USP34: variants seen among roughly 807,000 people sequenced by gnomAD.
USP34 encodes ubiquitin specific peptidase 34.
Under a neutral mutation model 460.3 loss-of-function variants are expected in USP34, and 70 were observed. The observed-to-expected ratio is 0.15, with a 90% confidence interval of 0.13 to 0.19. USP34 has a LOEUF of 0.19. Among genes scored for constraint, USP34 ranks in the 10% least tolerant of loss-of-function variants. The pLI, the probability that USP34 is intolerant of heterozygous loss-of-function variation, is 1.00. For missense variants in USP34, 3,985 were observed against 4,236.2 expected (o/e 0.94, Z 1.65); for synonymous variants, 1,647 against 1,405.3 (o/e 1.17, Z -3.85).
intron 47 of USP34, 23 bp downstream of exon 47, chr2:61,256,850 A>C: frequency 6.5e-7 from 1 of 1,534,820 alleles, no homozygotes; most frequent in Non-Finnish European, 8.7e-7. Context: ...TAAAGTAAAA[A>C]AATTATGTGC....
chr2:61,422,302 T>C (rs1694386687), intron 1 of USP34, among the ~76,000 whole-genome samples: 1 of 152,190 alleles, frequency 6.6e-6, no homozygotes, highest in South Asian at 2.1e-4. Context: ...GAAGAGTGGC[T>C]ACAACCATCA....
chr2:61,350,727 T>C, intron 10 of USP34, 34 bp from the exon 11 acceptor site: 1 of 1,599,270 alleles, frequency 6.3e-7, no homozygotes, highest in Non-Finnish European at 8.5e-7. Flanking sequence ...TGGTCAAAAA[T>C]AATTGCCCAA....
intron 48 of USP34, among the ~76,000 whole-genome samples, chr2:61,253,321 A>C (rs1339922671): frequency 3.3e-5 from 5 of 152,210 alleles, no homozygotes; most frequent in Non-Finnish European, 4.4e-5. Context: ...AGATTCTCCA[A>C]AGAACTTGAC....
chr2:61,287,417 C>A (rs75791668), intron 34 of USP34, among the ~76,000 whole-genome samples: 1 of 152,180 alleles, frequency 6.6e-6, no homozygotes. Flanking sequence ...CAAAAAGATT[C>A]TATTTTTATT....
chr2:61,200,458 T>A (rs959255624), intron 75 of USP34: 1 of 152,300 alleles, frequency 6.6e-6, no homozygotes, highest in Admixed American at 6.5e-5. Flanking sequence ...AACTCTACTG[T>A]TCTCTGCAAT....
At chr2:61,239,300 TCACACACACACACACACACA>T (rs60152908) in intron 53 of USP34, among the ~76,000 whole-genome samples, 45 of 132,854 alleles carry the variant, frequency 3.4e-4, no homozygotes, top group South Asian at 1.5e-3. Context: ...GAGGGCCCTG[TCACACACACACACACACACA>T]CACACACACA....
intron 1 of USP34, among the ~76,000 whole-genome samples, chr2:61,447,088 C>T (rs1011273707): frequency 1.3e-5 from 2 of 151,802 alleles, no homozygotes; most frequent in African/African-American, 4.8e-5. Context: ...AACACTGTCT[C>T]TACTAAAAAT....
At chr2:61,420,529 G>T (rs1694325108) in intron 2 of USP34, among the ~76,000 whole-genome samples, 1 of 152,024 alleles carries the variant, frequency 6.6e-6, no homozygotes, top group Non-Finnish European at 1.5e-5. Flanking sequence ...CCCTAAATAA[G>T]CAGGGGTCAA....
intron 1 of USP34, among the ~76,000 whole-genome samples, chr2:61,451,356 T>C (rs891761345): frequency 6.7e-6 from 1 of 148,778 alleles, no homozygotes; most frequent in Admixed American, 6.7e-5. Context: ...AGCTTAAAAA[T>C]AGGCCTCCAA....
intron 42 of USP34, 200 bp downstream of exon 42, chr2:61,265,784 G>A (rs1210521765): frequency 1.4e-6 from 1 of 697,080 alleles, no homozygotes; most frequent in Non-Finnish European, 2.0e-6. Flanking sequence ...TACTTTTACA[G>A]AAAAAGCCGA....
chr2:61,204,521 T>C lies in USP34; in HGVS notation c.9235A>G (p.Thr3079Ala), dbSNP rs1687061755. The C allele has an allele frequency of 3.7e-6, 6 of 1,614,106 alleles. No homozygotes were observed. The highest frequency in any genetic ancestry group is 1.3e-5 in the African/African-American group (1 of 75,052). The change falls in exon 73 of 80, where the codon ACT becomes GCT. Residue 3079 changes from threonine (T) to alanine (A), a missense_variant. Around this residue, in one of 14 missense-constraint regions of USP34, gnomAD observed 275 missense variants for 292.7 expected, o/e 0.94. Transcript: ENST00000398571. The stretch of plus-strand genomic sequence containing the variant: ...CTTGGTATATTACTGTGATGGTAAG[T>C]ACAATGGTTGTGTTGTAGAAAGGGA... ...LVPFLQHNHC[T>A]YHHSNIPMSL...
chr2:61,422,816 T>A (rs948637700), intron 1 of USP34, among the ~76,000 whole-genome samples: 3 of 152,014 alleles, frequency 2.0e-5, no homozygotes, highest in Admixed American at 6.6e-5. Context: ...CTGAGCAGCA[T>A]AGTGAAACCC....
At position 61,348,004 on chromosome 2, in the gene USP34, C is replaced by T. The variant is rs761302329; in HGVS notation, c.2151G>A (p.Gly717=). The T allele has an allele frequency of 1.9e-6, 3 of 1,614,126 alleles. No homozygotes were observed. Among genetic ancestry groups the T allele is most frequent in the Admixed American group, 1.7e-5 (1 of 60,012 alleles). The change falls in exon 15 of 80, where the codon GGG becomes GGA. Residue 717 remains glycine (G), a synonymous_variant. Transcript: ENST00000398571. Reference sequence around the variant, plus strand: ...TTCGTGTGATACAAGACTCCTGAGACCCTTGTGCTATATGAGTAGCATTCA... The same window carrying T: ...TTCGTGTGATACAAGACTCCTGAGATCCTTGTGCTATATGAGTAGCATTCA... The part of the protein sequence containing the change: ...GEMNATHIAQ[G]SQESCITRTG...
At chr2:61,227,909 C>T (rs556627471) in intron 61 of USP34, among the ~76,000 whole-genome samples, 2 of 151,822 alleles carry the variant, frequency 1.3e-5, no homozygotes, top group South Asian at 2.1e-4. Context: ...ATAAGAAATT[C>T]TTATTTATAG....
chr2:61,424,880 AG>A (rs1694465921), intron 1 of USP34, among the ~76,000 whole-genome samples: 3 of 152,302 alleles, frequency 2.0e-5, no homozygotes, highest in Admixed American at 6.5e-5. Flanking sequence ...GCCAGGGTAG[AG>A]TGCAATGGTG....
In USP34 at chr2:61,466,860, C is replaced by T. The variant is rs141549973; in HGVS notation, c.43+3790G>A. Among the ~76,000 whole-genome samples the T allele has an allele frequency of 3.4e-3, 514 of 149,502 alleles. 2 individuals are homozygous for T. The highest frequency in any genetic ancestry group is 0.011 in the African/African-American group (440 of 40,474). On this transcript the variant is annotated intron_variant, in intron 1 of 79. Coordinates refer to ENST00000398571, the MANE Select transcript of USP34 (RefSeq NM_014709.4). ...CCGGGAGGTGGAGGTTGCAGCTAGC[C>T]GACACTGCATTCCAGCCTGGGTGAG...
chr2:61,405,631 C>A (rs1161999904), intron 3 of USP34, 77 bp downstream of exon 3: 2 of 1,288,280 alleles, frequency 1.6e-6, no homozygotes, highest in African/African-American at 3.0e-5. Context: ...AAACTGTCTT[C>A]ATATTTATCA....
chr2:61,369,308 G>T (rs1410162573), intron 10 of USP34, among the ~76,000 whole-genome samples: 2 of 152,148 alleles, frequency 1.3e-5, no homozygotes, highest in South Asian at 2.1e-4. Flanking sequence ...AGGATGAAAT[G>T]AATGTGTTAG....
At chr2:61,303,899 TTTTTG>T (rs916418212) in intron 27 of USP34, among the ~76,000 whole-genome samples, 4 of 149,450 alleles carry the variant, frequency 2.7e-5, no homozygotes, top group African/African-American at 7.4e-5. Context: ...TTTGGTAGTT[TTTTTG>T]TTTTGTTTTG....
Sources: allele counts gnomAD v4.1 joint callset (sites outside exome capture counted in the v4.1 genomes callset), GRCh38; gene constraint gnomAD v4.1.1; regional missense constraint gnomAD v4.1.1; transcripts MANE v1.5; gene names NCBI Gene and HGNC (gene_info 2026-07-23, HGNC 2026-07-21).